Variants in FAM171A1 observed in about 807,000 individuals in gnomAD.
FAM171A1 encodes family with sequence similarity 171 member A1.
FAM171A1 carries 23 observed loss-of-function variants against 74.9 expected under a neutral mutation model. The observed-to-expected ratio is 0.31, with a 90% CI of 0.22 to 0.44. The LOEUF (loss-of-function observed/expected upper bound fraction) is 0.44. FAM171A1 is among the 20% of genes least tolerant of loss of function. FAM171A1 has a pLI of 1.00. For missense variants in FAM171A1, 1,162 were observed against 1,159.2 expected, an observed-to-expected ratio of 1.00 and a Z score of -0.03; for synonymous variants, 527 against 505.7, an observed-to-expected ratio of 1.04 and a Z score of -0.57.
chr10:15,252,952 T>C (rs1834528714), intron 4 of FAM171A1, among the ~76,000 whole-genome samples: 1 of 152,186 alleles, frequency 6.6e-6, no homozygotes, highest in East Asian at 1.9e-4. Flanking sequence ...TTGTGGATCG[T>C]GCACCATTTT....
intron 1 of FAM171A1, among the ~76,000 whole-genome samples, chr10:15,301,362 AT>A (rs71390027): frequency 3.7e-4 from 52 of 141,552 alleles, no homozygotes; most frequent in African/African-American, 1.2e-3. Context: ...ATATATATAT[AT>A]TTTTTTTTTT....
At chr10:15,326,667 A>G (rs1176595368) in intron 1 of FAM171A1, among the ~76,000 whole-genome samples, 2 of 151,524 alleles carry the variant, frequency 1.3e-5, no homozygotes, top group Non-Finnish European at 2.9e-5. Context: ...TCACTCTGTT[A>G]CCCAGGATGG....
At chr10:15,225,132 CT>C (rs1834088119) in intron 5 of FAM171A1, among the ~76,000 whole-genome samples, 1 of 152,196 alleles carries the variant, frequency 6.6e-6, no homozygotes. Context: ...GTCTTATCTC[CT>C]TTCTTAGATC....
chr10:15,328,135 A>T (rs1283721936), intron 1 of FAM171A1, among the ~76,000 whole-genome samples: 2 of 151,964 alleles, frequency 1.3e-5, no homozygotes, highest in Admixed American at 6.6e-5. Context: ...GATAAATATT[A>T]AATGACTGTT....
intron 5 of FAM171A1, among the ~76,000 whole-genome samples, chr10:15,247,892 C>A (rs565760673): frequency 6.6e-6 from 1 of 152,146 alleles, no homozygotes; most frequent in African/African-American, 2.4e-5. Context: ...GGTCAACAGC[C>A]GGCAAGGAAG....
At chr10:15,215,424 G>A (rs1324856764) in intron 7 of FAM171A1, among the ~76,000 whole-genome samples, 3 of 152,102 alleles carry the variant, frequency 2.0e-5, no homozygotes, top group African/African-American at 7.2e-5. Flanking sequence ...GGAGTACAGT[G>A]GTGCAATCTT....
chr10:15,319,859 A>T (rs1385418235), intron 1 of FAM171A1, among the ~76,000 whole-genome samples: 1 of 152,234 alleles, frequency 6.6e-6, no homozygotes, highest in Non-Finnish European at 1.5e-5. Context: ...AAGGTTTTGT[A>T]AAACTCTCCT....
chr10:15,368,686 C>A (rs1043239774), intron 1 of FAM171A1, among the ~76,000 whole-genome samples: 1 of 152,194 alleles, frequency 6.6e-6, no homozygotes. Context: ...GTATGCATAA[C>A]AACCTACAAC....
intron 1 of FAM171A1, among the ~76,000 whole-genome samples, chr10:15,315,959 CTTAGTA>C (rs146753908): frequency 0.027 from 4,163 of 152,272 alleles, 85 homozygotes; most frequent in Non-Finnish European, 0.043. Context: ...AACCTAACAT[CTTAGTA>C]TATTTCCCCC....
At chr10:15,330,171 A>T (rs1012663100) in intron 1 of FAM171A1, among the ~76,000 whole-genome samples, 5 of 152,142 alleles carry the variant, frequency 3.3e-5, no homozygotes, top group Admixed American at 3.3e-4. Flanking sequence ...GTGAAACTCC[A>T]TCTCTACTAA....
intron 3 of FAM171A1, among the ~76,000 whole-genome samples, chr10:15,272,452 AAC>A (rs1268823921): frequency 6.6e-6 from 1 of 152,216 alleles, no homozygotes; most frequent in Non-Finnish European, 1.5e-5. Context: ...GGGAGACTTT[AAC>A]ACCCCACTGT....
chr10:15,359,921 C>T (rs1231675603), intron 1 of FAM171A1, among the ~76,000 whole-genome samples: 1 of 151,986 alleles, frequency 6.6e-6, no homozygotes, highest in East Asian at 1.9e-4. Flanking sequence ...AGGAACATGG[C>T]CCAGCTGTTT....
intron 5 of FAM171A1, among the ~76,000 whole-genome samples, chr10:15,225,862 G>A (rs1319289510): frequency 6.6e-6 from 1 of 152,186 alleles, no homozygotes; most frequent in Non-Finnish European, 1.5e-5. Context: ...GAGGCCTTGG[G>A]ATGCTCCTGG....
chr10:15,284,436 G>GTGTC (rs1358685644), intron 1 of FAM171A1, among the ~76,000 whole-genome samples: 1 of 151,184 alleles, frequency 6.6e-6, no homozygotes, highest in Admixed American at 6.6e-5. Flanking sequence ...GTGTGTGTGT[G>GTGTC]TGTTTTGAAA....
Position 15,214,430 on chromosome 10 carries a change from C to T in FAM171A1, c.1158G>A (p.Glu386=), listed in dbSNP as rs759176110. The T allele has an allele frequency of 1.9e-6, 3 of 1,614,018 alleles. No homozygotes were observed. The highest frequency in any genetic ancestry group is 2.7e-5 in the African/African-American group (2 of 74,894). The change falls in exon 8 of 8, where the codon GAG becomes GAA. Residue 386 remains glutamate, a synonymous_variant. Coordinates refer to ENST00000378116, the MANE Select transcript of FAM171A1 (RefSeq NM_001010924.2). ...PLSVTSHGRP[E]APGTKELMSG... ...TCATCAGTTCCTTCGTGCCGGGGGC[C>T]TCGGGGCGGCCGTGGCTGGTGACGG...
chr10:15,368,658 A>C (rs1406303876), intron 1 of FAM171A1, among the ~76,000 whole-genome samples: 6 of 152,210 alleles, frequency 3.9e-5, no homozygotes, highest in African/African-American at 1.4e-4. Flanking sequence ...CCTACTCAGC[A>C]CCATCTGAGC....
intron 6 of FAM171A1, among the ~76,000 whole-genome samples, chr10:15,217,189 T>G (rs1306232132): frequency 6.6e-6 from 1 of 152,332 alleles, no homozygotes; most frequent in East Asian, 1.9e-4. Flanking sequence ...TGTTCCGTAG[T>G]AGTACAAATC....
intron 1 of FAM171A1, among the ~76,000 whole-genome samples, chr10:15,316,500 T>C (rs1344324560): frequency 1.3e-5 from 2 of 152,212 alleles, no homozygotes; most frequent in Non-Finnish European, 2.9e-5. Flanking sequence ...GCTACCCTGG[T>C]TCTAAGAAAC....
rs774425515 is a variant in FAM171A1 at position 15,336,188 on chromosome 10, G to A, written c.97+34768C>T. Among the ~76,000 whole-genome samples the A allele has an allele frequency of 5.0e-4, 76 of 152,154 alleles. 1 individual carries two copies. The highest frequency in any genetic ancestry group is 8.5e-4 in the Non-Finnish European group (58 of 68,024). On this transcript the variant is annotated intron_variant, in intron 1 of 7. Transcript: ENST00000378116. ...CTCAGAAATAGAGTTTAGGGACAGA[G>A]AAACCTAGAGTCATACCAGGATGGA...
Sources: gnomAD v4.1 joint callset for allele counts (sites outside exome capture counted in the v4.1 genomes callset) on GRCh38, gnomAD v4.1.1 for gene constraint, MANE v1.5 for transcripts, NCBI Gene and HGNC (gene_info 2026-07-23, HGNC 2026-07-21) for gene names.